COL17A1: variants seen among roughly 807,000 people sequenced by gnomAD.
COL17A1 encodes the protein collagen type XVII alpha 1 chain.
COL17A1 carries 181 observed loss-of-function variants against 218.4 expected under a neutral mutation model. The ratio of observed to expected loss-of-function variants is 0.83; its 90% CI spans 0.73 to 0.94. The LOEUF (loss-of-function observed/expected upper bound fraction) is 0.94, where lower values mean the gene tolerates loss of function less well. Ranked by LOEUF, COL17A1 falls within the 40% of genes least tolerant of loss-of-function variation. COL17A1 has a pLI of 0.00. For missense variants in COL17A1, 1,924 were observed against 1,945.9 expected, an observed-to-expected ratio of 0.99 and a Z score of 0.21; for synonymous variants, 721 against 731.0, an observed-to-expected ratio of 0.99 and a Z score of 0.22.
intron 50 of COL17A1, 66 bp from the exon 51 acceptor site, chr10:104,034,833 T>G (rs1356405957): frequency 6.3e-7 from 1 of 1,581,948 alleles, no homozygotes; most frequent in Non-Finnish European, 8.6e-7. Flanking sequence ...TCCCAGCCTG[T>G]GCTCGGGGCG....
chr10:104,053,079 G>T lies in COL17A1; in HGVS notation c.1891C>A (p.Pro631Thr), dbSNP rs1165073595. The T allele has an allele frequency of 6.2e-7, 1 of 1,614,028 alleles. No individual in the cohort carries two copies. Among genetic ancestry groups the T allele is most frequent in the East Asian group, 2.2e-5 (1 of 44,854 alleles). Residue 631 changes from proline (P) to threonine (T), a missense_variant, in exon 23 of 56, where the codon CCT becomes ACT. By Grantham distance (38) the Pro-to-Thr change is conservative (BLOSUM62 -1). Transcript: ENST00000648076. ...CCAGGAGGCCCTGCCTCACCACGAG[G>T]TCCCATGGGGCCTTCTCGCCCTCTC... ...GQRGREGPMGPRGEAGPPGSG... is the reference protein window; with the variant it reads ...GQRGREGPMGTRGEAGPPGSG...
At chr10:104,062,358 A>G (rs1564681863) in intron 11 of COL17A1, 29 bp from the exon 12 acceptor site, 18 of 1,614,204 alleles carry the variant, frequency 1.1e-5, no homozygotes, top group Non-Finnish European at 1.5e-5. Context: ...TCAGGTGAGT[A>G]CAGGGAGCAC....
At position 104,060,272 on chromosome 10, in the gene COL17A1, T is replaced by C. The variant is rs748121975; in HGVS notation, c.988A>G (p.Thr330Ala). 2.3e-5 allele frequency: 37 copies of C among 1,613,830 alleles called. No individual in the cohort carries two copies. Among genetic ancestry groups the C allele is most frequent in the Non-Finnish European group, 3.0e-5 (35 of 1,180,010 alleles). ...AAAAGGTCATCGCTCTGCACACTTG[T>C]GGTGCAGGCTGGGGAGAAAGAAAAT... ...TGVSTSAACT[T>A]SVQSDDLLHK... The change falls in exon 14 of 56, where the codon ACA (threonine) becomes GCA (alanine). Residue 330 changes from threonine to alanine, a missense_variant. Coordinates refer to ENST00000648076, the MANE Select transcript of COL17A1 (RefSeq NM_000494.4).
rs115581886 is a variant in COL17A1 at position 104,070,788 on chromosome 10, G to A, written c.464-219C>T. On this transcript the variant is annotated intron_variant, in intron 8 of 55. Transcript: ENST00000648076. ...CATATTAGCCTCAAAAATCTTCTGC[G>A]TCTCACAAGGAGGTCAAGGTGCTTG... 6.3e-3 allele frequency among the ~76,000 whole-genome samples: 959 copies of A among 152,258 alleles called. 11 individuals are homozygous for A. The highest frequency in any genetic ancestry group is 0.022 in the African/African-American group (934 of 41,538).
intron 5 of COL17A1, 93 bp from the exon 6 acceptor site, chr10:104,074,324 C>A: frequency 6.4e-7 from 1 of 1,552,228 alleles, no homozygotes; most frequent in South Asian, 1.1e-5. Flanking sequence ...ATTTCTGGAC[C>A]TCCACAGCCC....
intron 55 of COL17A1, 57 bp downstream of exon 55, chr10:104,032,617 G>T: frequency 1.3e-6 from 2 of 1,529,006 alleles, no homozygotes; most frequent in South Asian, 1.1e-5. Flanking sequence ...CTTCTCTAAT[G>T]AGCGTCAGCC....
rs1589569189 is a variant in COL17A1, at chr10:104,058,099, C to T, written c.1267+47G>A. 3.1e-6 allele frequency: 5 copies of T among 1,613,032 alleles called. No individual in the cohort carries two copies. The East Asian group carries it at 1.1e-4, about 36-fold the overall frequency. ...CATCATCTGGTCCATTAGCCATAAGCAGCCCCACTGGATCCTGTCACTGCA... is the reference window on the plus strand; with the variant it reads ...CATCATCTGGTCCATTAGCCATAAGTAGCCCCACTGGATCCTGTCACTGCA... On this transcript the variant is annotated intron_variant, in intron 16 of 55. Transcript: ENST00000648076.
In COL17A1 at chr10:104,055,933, ATAGGGCAG is replaced by A. The variant is rs2086520724; in HGVS notation, c.1528_1535del (p.Leu510TrpfsTer6). On this transcript the variant is annotated frameshift_variant, in exon 18 of 56. Coordinates refer to ENST00000648076, the MANE Select transcript of COL17A1 (RefSeq NM_000494.4). LOFTEE classifies it high-confidence loss of function. ...TTTCTATTCTATCCATGCTGTCCCC[ATAGGGCAG>A]TATGCTCCTCCTGATCCTCTCCAGC... The A allele has an allele frequency of 6.2e-7, 1 of 1,613,944 alleles. No individual in the cohort carries two copies. The highest frequency in any genetic ancestry group is 1.1e-5 in the South Asian group (1 of 91,080).
intron 5 of COL17A1, among the ~76,000 whole-genome samples, chr10:104,075,374 G>T (rs558790776): frequency 3.3e-4 from 50 of 152,098 alleles, no homozygotes; most frequent in Admixed American, 1.7e-3. Context: ...TGTTTCAGTT[G>T]TTGGCACCAC....
chr10:104,053,147 G>C lies in COL17A1; in HGVS notation c.1835-12C>G. 6.2e-7 allele frequency: 1 copy of C among 1,611,648 alleles called. No individual in the cohort carries two copies. Among genetic ancestry groups the C allele is most frequent in the Non-Finnish European group, 8.5e-7 (1 of 1,179,930 alleles). ...CATGCCAGGATCTCCTAAAGACAGGGATGGCCAGCCTCCAAGTCAGGATCC... is the reference window on the plus strand; with the variant it reads ...CATGCCAGGATCTCCTAAAGACAGGCATGGCCAGCCTCCAAGTCAGGATCC... On this transcript the variant is annotated splice_polypyrimidine_tract_variant and intron_variant, in intron 22 of 55. Coordinates refer to ENST00000648076, the MANE Select transcript of COL17A1 (RefSeq NM_000494.4).
chr10:104,061,728 C>T (rs950988061), intron 12 of COL17A1, among the ~76,000 whole-genome samples: 2 of 152,186 alleles, frequency 1.3e-5, no homozygotes, highest in Non-Finnish European at 2.9e-5. Flanking sequence ...TGAACTCCTA[C>T]AGCCCTTAAC....
chr10:104,062,789 C>A (rs2086594631), intron 11 of COL17A1, among the ~76,000 whole-genome samples: 1 of 152,188 alleles, frequency 6.6e-6, no homozygotes, highest in Admixed American at 6.5e-5. Flanking sequence ...TCTCCTGACA[C>A]AAACACATAA....
At chr10:104,071,975 C>A (rs1248340911) in intron 8 of COL17A1, 57 bp downstream of exon 8, 1 of 1,611,754 alleles carries the variant, frequency 6.2e-7, no homozygotes, top group Non-Finnish European at 8.5e-7. Context: ...CACACACACA[C>A]AGCACTAGCC....
intron 14 of COL17A1, 96 bp downstream of exon 14, chr10:104,060,023 T>C: frequency 1.3e-6 from 2 of 1,575,064 alleles, no homozygotes; most frequent in South Asian, 1.1e-5. Flanking sequence ...TATGGTTTCA[T>C]GACTCATAGG....
Position 104,035,301 on chromosome 10 carries a change from G to A in COL17A1, c.3581C>T (p.Ser1194Phe). 1 of 1,614,180 alleles carries A rather than the reference G, an allele frequency of 6.2e-7. No homozygotes were observed. Among genetic ancestry groups the A allele is most frequent in the Non-Finnish European group, 8.5e-7 (1 of 1,180,024 alleles). ...GPPGIPGNVWSSISVEDLSSY... is the reference protein window; with the variant it reads ...GPPGIPGNVWFSISVEDLSSY... ...CGAGAGGTCCTCCACGCTGATGCTG[G>A]ACCACACATTGCCTGGGATCCCTGG... The change falls in exon 50 of 56, where the codon TCC becomes TTC. Residue 1194 changes from serine (S) to phenylalanine (F), a missense_variant. By Grantham distance (155) the Ser-to-Phe change is radical. Coordinates refer to ENST00000648076, the MANE Select transcript of COL17A1 (RefSeq NM_000494.4).
At position 104,034,136 on chromosome 10, in the gene COL17A1, C is replaced by A. The variant is rs778775032; in HGVS notation, c.3965G>T (p.Gly1322Val). 6.2e-7 allele frequency: 1 copy of A among 1,614,006 alleles called. No homozygotes were observed. Among genetic ancestry groups the A allele is most frequent in the African/African-American group, 1.3e-5 (1 of 75,068 alleles). The change falls in exon 52 of 56, where the codon GGT becomes GTT. Residue 1322 changes from glycine (G) to valine (V), a missense_variant. Gly to Val is a moderately radical substitution (Grantham distance 109). Coordinates refer to ENST00000648076, the MANE Select transcript of COL17A1 (RefSeq NM_000494.4). ...AGCTTCACCAAAGGCACCGCCTGCA[C>A]CCAGGGAGCCTGCACCACCTCCTCC... ...STGGGGAGSLGAGGAFGEAAG... is the reference protein window; with the variant it reads ...STGGGGAGSLVAGGAFGEAAG...
At position 104,060,123 on chromosome 10, in the gene COL17A1, AG is replaced by A; in HGVS notation, c.1136del (p.Ala379ValfsTer10). On this transcript the variant is annotated frameshift_variant, in exon 14 of 56. Transcript: ENST00000648076. LOFTEE classifies it high-confidence loss of function. ...GCCACACAGGATCTGACGCACTTGCAGCGATGCTGGCAGGGGAGGCTGTAAA... is the reference window on the plus strand; with the variant it reads ...GCCACACAGGATCTGACGCACTTGCACGATGCTGGCAGGGGAGGCTGTAAA... ...KVFTASPASI[A>X]ATSFSEDTLK... The A allele has an allele frequency of 6.2e-7, 1 of 1,614,108 alleles. No individual in the cohort carries two copies. The highest frequency in any genetic ancestry group is 8.5e-7 in the Non-Finnish European group (1 of 1,180,030).
Position 104,058,143 on chromosome 10 carries a change from C to G in COL17A1, c.1267+3G>C. 1.2e-6 allele frequency: 2 copies of G among 1,614,210 alleles called. No individual in the cohort carries two copies. The highest frequency in any genetic ancestry group is 1.7e-6 in the Non-Finnish European group (2 of 1,180,044). On this transcript the variant is annotated splice_donor_region_variant and intron_variant, in intron 16 of 55. Transcript: ENST00000648076. The stretch of plus-strand genomic sequence containing the variant: ...CACTGCAGGGTTCGCGGTTCTCACC[C>G]ACCTGCAGTGGTGGTCTTGCCCTTT...
chr10:104,039,612 G>A lies in COL17A1; in HGVS notation c.2817C>T (p.Thr939=). ...GGGGCGGGGTTCAGCCCTTACCTGAGGTTGAGAAACCTGGGAGGCCTTGCT... is the reference window on the plus strand; with the variant it reads ...GGGGCGGGGTTCAGCCCTTACCTGAAGTTGAGAAACCTGGGAGGCCTTGCT... ...QGEQGLPGFS[T]SGSSSFGLNL... is the part of the protein sequence containing the mutation. Residue 939 remains threonine (T), a synonymous_variant, in exon 42 of 56, where the codon ACC becomes ACT. Coordinates refer to ENST00000648076, the MANE Select transcript of COL17A1 (RefSeq NM_000494.4). 1 of 1,614,162 alleles carries A rather than the reference G, an allele frequency of 6.2e-7. No individual in the cohort carries two copies. Among genetic ancestry groups the A allele is most frequent in the East Asian group, 2.2e-5 (1 of 44,878 alleles).
Sources: allele counts gnomAD v4.1 joint callset (sites outside exome capture counted in the v4.1 genomes callset), GRCh38; gene constraint gnomAD v4.1.1; transcripts MANE v1.5; gene names NCBI Gene and HGNC (gene_info 2026-07-23, HGNC 2026-07-21).